Variants in MGAT4C observed in about 807,000 individuals in gnomAD.
MGAT4C encodes the protein alpha-1,3-mannosyl-glycoprotein 4-beta-N-acetylglucosaminyltransferase C.
In MGAT4C, 19 loss-of-function variants were observed where a neutral mutation model predicts 40.1. The observed-to-expected ratio is 0.47, with a 90% confidence interval of 0.33 to 0.70. The LOEUF (loss-of-function observed/expected upper bound fraction) is 0.70, where lower values mean the gene tolerates loss of function less well. MGAT4C is among the 30% of genes least tolerant of loss of function. The pLI, the probability that MGAT4C is intolerant of heterozygous loss-of-function variation, is 0.02. For synonymous variants in MGAT4C, 181 were observed against 187.1 expected (o/e 0.97, Z 0.27); for missense variants, 491 against 563.2 (o/e 0.87, Z 1.30).
chr12:86,132,322 A>G (rs1286000771), intron 1 of MGAT4C, among the ~76,000 whole-genome samples: 2 of 152,168 alleles, frequency 1.3e-5, no homozygotes, highest in African/African-American at 2.4e-5. Context: ...TCCTTTTTCA[A>G]TATAAATTGA....
rs1179068777 is a variant in MGAT4C, at chr12:86,478,890, T to A, written c.-228-43625A>T. 3.9e-5 allele frequency among the ~76,000 whole-genome samples: 6 copies of A among 152,204 alleles called. No individual in the cohort carries two copies. In the East Asian group the frequency reaches 1.2e-3, roughly 29 times the overall value. The stretch of plus-strand genomic sequence containing the variant: ...AATAAAACCCAGAATGTCTAAATTA[T>A]TTAATATCTATTTTTAAAATAAAGT... On this transcript the variant is annotated intron_variant, in intron 2 of 7. Transcript: ENST00000548651.
intron 2 of MGAT4C, among the ~76,000 whole-genome samples, chr12:86,485,463 T>C (rs539955335): frequency 8.5e-4 from 129 of 151,542 alleles, no homozygotes; most frequent in Non-Finnish European, 1.6e-3. Flanking sequence ...AATAGCAGAA[T>C]AGACCAAAAA....
intron 2 of MGAT4C, among the ~76,000 whole-genome samples, chr12:86,023,352 T>C (rs1452977978): frequency 6.6e-6 from 1 of 151,772 alleles, no homozygotes; most frequent in Non-Finnish European, 1.5e-5. Flanking sequence ...CAAGTCGTTT[T>C]AGAGATGAAT....
intron 2 of MGAT4C, among the ~76,000 whole-genome samples, chr12:86,592,291 T>C (rs974132185): frequency 4.6e-5 from 7 of 152,080 alleles, no homozygotes; most frequent in African/African-American, 1.4e-4. Context: ...TTAGAAGACA[T>C]GAATTTCTTT....
At chr12:86,278,766 T>C (rs940989887) in intron 4 of MGAT4C, among the ~76,000 whole-genome samples, 1 of 152,174 alleles carries the variant, frequency 6.6e-6, no homozygotes, top group Non-Finnish European at 1.5e-5. Context: ...TGGGCATCCT[T>C]GGCACGCTTT....
chr12:86,149,391 T>C (rs1883984537), intron 1 of MGAT4C, among the ~76,000 whole-genome samples: 1 of 152,212 alleles, frequency 6.6e-6, no homozygotes, highest in Non-Finnish European at 1.5e-5. Context: ...AAAAAATATG[T>C]ACTTCATTTT....
At chr12:86,715,359 G>T (rs1452443773) in intron 2 of MGAT4C, among the ~76,000 whole-genome samples, 1 of 152,094 alleles carries the variant, frequency 6.6e-6, no homozygotes, top group Non-Finnish European at 1.5e-5. Context: ...AGAGGGAGTG[G>T]CAGTAGCTGA....
chr12:86,337,236 T>A (rs1481546242), intron 3 of MGAT4C, among the ~76,000 whole-genome samples: 1 of 152,148 alleles, frequency 6.6e-6, no homozygotes, highest in Non-Finnish European at 1.5e-5. Context: ...CAGAAATTGC[T>A]GGAGTGTTTT....
chr12:86,329,325 A>G (rs1390126754), intron 4 of MGAT4C, among the ~76,000 whole-genome samples: 4 of 152,048 alleles, frequency 2.6e-5, no homozygotes, highest in Admixed American at 2.6e-4. Flanking sequence ...TATGTTTCTA[A>G]GATAAGGGCT....
intron 2 of MGAT4C, among the ~76,000 whole-genome samples, chr12:86,547,414 A>T (rs190226485): frequency 8.0e-4 from 122 of 152,008 alleles, no homozygotes; most frequent in African/African-American, 2.8e-3. Flanking sequence ...CATTTTTAGC[A>T]CATCTAAATG....
At chr12:86,203,673 C>T (rs1950134598) in intron 1 of MGAT4C, among the ~76,000 whole-genome samples, 1 of 152,036 alleles carries the variant, frequency 6.6e-6, no homozygotes, top group Admixed American at 6.6e-5. Context: ...AAGAAATATA[C>T]ATAGCCGGGC....
intron 1 of MGAT4C, among the ~76,000 whole-genome samples, chr12:86,232,977 AT>A (rs1951389599): frequency 6.6e-6 from 1 of 152,186 alleles, no homozygotes; most frequent in Non-Finnish European, 1.5e-5. Context: ...CTATAACATT[AT>A]AGGTAAAATT....
intron 1 of MGAT4C, among the ~76,000 whole-genome samples, chr12:86,127,196 A>C (rs1286125420): frequency 6.6e-6 from 1 of 152,190 alleles, no homozygotes; most frequent in Non-Finnish European, 1.5e-5. Flanking sequence ...TACCTAGGCT[A>C]TATGGTGTAG....
In MGAT4C at chr12:85,969,212, G is replaced by A. The variant is rs1883502425; in HGVS notation, c.*10077C>T. On this transcript the variant is annotated 3_prime_UTR_variant, in exon 5 of 5. Transcript: ENST00000611864. ...ATCATTACTTTCATAGGTAATGGAA[G>A]TACCGATTAGGAGAGTACCAAATAC... 6.6e-6 allele frequency: 1 copy of A among 151,720 alleles called. No individual in the cohort carries two copies. Among genetic ancestry groups the A allele is most frequent in the Admixed American group, 6.6e-5 (1 of 15,194 alleles). The allele number at this position is 151,720 out of a possible 1,614,324, so 9.4% of individuals were successfully genotyped here. A position where few individuals can be genotyped will look rare whatever the true frequency, so the allele number is the denominator to read the frequency against.
At chr12:86,474,559 C>T (rs1005901799) in intron 2 of MGAT4C, among the ~76,000 whole-genome samples, 1 of 151,932 alleles carries the variant, frequency 6.6e-6, no homozygotes, top group Non-Finnish European at 1.5e-5. Context: ...GTTTAAACCT[C>T]CCCCTTGACT....
chr12:86,802,560 GC>G (rs1952252958), intron 1 of MGAT4C, among the ~76,000 whole-genome samples: 1 of 151,826 alleles, frequency 6.6e-6, no homozygotes, highest in South Asian at 2.1e-4. Context: ...AGCAACTTCA[GC>G]AAAGTCTCAG....
At chr12:86,703,696 TA>T (rs1176694199) in intron 2 of MGAT4C, among the ~76,000 whole-genome samples, 2 of 152,212 alleles carry the variant, frequency 1.3e-5, no homozygotes, top group South Asian at 4.1e-4. Context: ...TGGTTATCTT[TA>T]TTGTGATATT....
chr12:86,602,010 A>C (rs565426470), intron 2 of MGAT4C, among the ~76,000 whole-genome samples: 1 of 152,242 alleles, frequency 6.6e-6, no homozygotes, highest in South Asian at 2.1e-4. Context: ...CCTGCAGCGG[A>C]AGCCGCGGTA....
chr12:86,504,225 C>T lies in MGAT4C; in HGVS notation c.-228-68960G>A, dbSNP rs553887584. On this transcript the variant is annotated intron_variant, in intron 2 of 7. Transcript: ENST00000548651. ...TTCATATATTATTGGTATATTTGAA[C>T]CCTGTCATTATCTGCTGGAGCTGAA... Among the ~76,000 whole-genome samples the T allele has an allele frequency of 2.6e-5, 4 of 152,136 alleles. No homozygotes were observed. The East Asian group carries it at 5.8e-4, about 22-fold the overall frequency.
Sources: allele counts gnomAD v4.1 joint callset (sites outside exome capture counted in the v4.1 genomes callset), GRCh38; gene constraint gnomAD v4.1.1; transcripts MANE v1.5; gene names NCBI Gene and HGNC (gene_info 2026-07-23, HGNC 2026-07-21).